The following LRRC8B variants were observed in gnomAD, a reference collection of about 807,000 sequenced individuals.
LRRC8B encodes the protein volume-regulated anion channel subunit LRRC8B.
In LRRC8B, 23 loss-of-function variants were observed where a neutral mutation model predicts 58.8. That is an observed-to-expected ratio of 0.39 (90% CI 0.28 to 0.55). The LOEUF is 0.55. LRRC8B is among the 20% of genes least tolerant of loss of function. LRRC8B has a pLI of 0.62. For missense variants in LRRC8B, 694 were observed against 936.0 expected, an observed-to-expected ratio of 0.74 and a Z score of 3.37; for synonymous variants, 359 against 374.1, an observed-to-expected ratio of 0.96 and a Z score of 0.47.
intron 1 of LRRC8B, among the ~76,000 whole-genome samples, chr1:89,554,152 T>C (rs192027255): frequency 2.4e-3 from 372 of 152,310 alleles, no homozygotes; most frequent in Non-Finnish European, 3.5e-3. Flanking sequence ...TTTCTACTCT[T>C]AGCCCCATCA....
rs1160514585 is a variant in LRRC8B at position 89,596,208 on chromosome 1, T to G, written c.*3165T>G. ...CTTAATCTGAGAACCTAAGTGTTTTTGAGCATTCCAGTAAAGGAGTAGTGT... is the reference window on the plus strand; with the variant it reads ...CTTAATCTGAGAACCTAAGTGTTTTGGAGCATTCCAGTAAAGGAGTAGTGT... On this transcript the variant is annotated 3_prime_UTR_variant, in exon 6 of 6. Coordinates refer to ENST00000330947, the MANE Select transcript of LRRC8B (RefSeq NM_001369817.2). 6.6e-6 allele frequency: 1 copy of G among 152,138 alleles called. No homozygotes were observed. The highest frequency in any genetic ancestry group is 2.1e-4 in the South Asian group (1 of 4,824). The allele number at this position is 152,138 out of a possible 1,614,324, so 9.4% of individuals were successfully genotyped here.
chr1:89,542,770 A>G (rs1651110062), intron 1 of LRRC8B, among the ~76,000 whole-genome samples: 1 of 152,226 alleles, frequency 6.6e-6, no homozygotes, highest in South Asian at 2.1e-4. Context: ...TACTTAACAT[A>G]AAGTTATCTC....
intron 1 of LRRC8B, among the ~76,000 whole-genome samples, chr1:89,537,460 T>TTTTTG (rs750338046): frequency 8.6e-5 from 13 of 151,982 alleles, no homozygotes; most frequent in Non-Finnish European, 1.2e-4. Flanking sequence ...ATTGGTGTGT[T>TTTTTG]TTTTGTTTTG....
At chr1:89,561,790 G>A (rs1338908141) in intron 1 of LRRC8B, among the ~76,000 whole-genome samples, 1 of 148,422 alleles carries the variant, frequency 6.7e-6, no homozygotes, top group African/African-American at 2.5e-5. Flanking sequence ...GGTTACTGTA[G>A]CCTTGTAGTA....
At chr1:89,563,738 CATTTG>C (rs1361507988) in intron 1 of LRRC8B, among the ~76,000 whole-genome samples, 2 of 152,142 alleles carry the variant, frequency 1.3e-5, no homozygotes, top group African/African-American at 4.8e-5. Context: ...CTGTGCTAAG[CATTTG>C]AATTGTAGTT....
rs78445800 is a variant in LRRC8B, at chr1:89,525,082, G to C, written c.-241+60G>C. 774 of 152,712 alleles carry C rather than the reference G, an allele frequency of 5.1e-3. 1 individual carries two copies. Among genetic ancestry groups the C allele is most frequent in the Non-Finnish European group, 8.1e-3 (556 of 68,328 alleles). The allele number at this position is 152,712 out of a possible 1,614,324, so 9.5% of individuals were successfully genotyped here. ...GCGAGCCGCGCCGACCGAGGTGGTG[G>C]AGGAGGAGGACCGGATACGGGGACG... On this transcript the variant is annotated intron_variant, in intron 1 of 5. Transcript: ENST00000330947.
chr1:89,582,705 A>G lies in LRRC8B; in HGVS notation c.55A>G (p.Ile19Val). ...AGCAGATGCCCAGTCATCTTATCAC[A>G]TCTTAAAACCATGGTGGGACGTCTT... ...CLADAQSSYH[I>V]LKPWWDVFWY... The change falls in exon 5 of 6, where the codon ATC (isoleucine) becomes GTC (valine). Residue 19 changes from isoleucine (I) to valine (V), a missense_variant. Physicochemically the swap from Ile to Val is conservative, Grantham distance 29. Coordinates refer to ENST00000330947, the MANE Select transcript of LRRC8B (RefSeq NM_001369817.2). 1 of 1,614,184 alleles carries G rather than the reference A, an allele frequency of 6.2e-7. No individual in the cohort carries two copies. The highest frequency in any genetic ancestry group is 8.5e-7 in the Non-Finnish European group (1 of 1,180,030).
intron 1 of LRRC8B, among the ~76,000 whole-genome samples, chr1:89,550,371 A>C (rs900337249): frequency 1.3e-5 from 2 of 152,132 alleles, no homozygotes; most frequent in African/African-American, 2.4e-5. Flanking sequence ...TTTAAATTTA[A>C]GATTTGACGC....
chr1:89,533,215 T>C (rs1320254682), intron 1 of LRRC8B, among the ~76,000 whole-genome samples: 1 of 152,106 alleles, frequency 6.6e-6, no homozygotes, highest in Non-Finnish European at 1.5e-5. Flanking sequence ...ATTGCCTGGG[T>C]TTAATAACCC....
chr1:89,567,550 T>A lies in LRRC8B; in HGVS notation c.-240-697T>A, dbSNP rs554623342. Among the ~76,000 whole-genome samples, 4 of 152,286 alleles carry A rather than the reference T, an allele frequency of 2.6e-5. No homozygotes were observed. The East Asian group carries it at 7.7e-4, about 29-fold the overall frequency. ...AATGCCAAATAAAGCAACAATAAGA[T>A]CATTTTTCACATATGGATTAGCAAT... On this transcript the variant is annotated intron_variant, in intron 1 of 5. Coordinates refer to ENST00000330947, the MANE Select transcript of LRRC8B (RefSeq NM_001369817.2).
chr1:89,576,461 TTTAA>T (rs1401600489), intron 3 of LRRC8B, among the ~76,000 whole-genome samples: 1 of 152,210 alleles, frequency 6.6e-6, no homozygotes, highest in East Asian at 1.9e-4. Context: ...TTACGTTTCT[TTTAA>T]AAGTGCCCCA....
At chr1:89,525,365 C>T (rs910070913) in intron 1 of LRRC8B, among the ~76,000 whole-genome samples, 1 of 152,136 alleles carries the variant, frequency 6.6e-6, no homozygotes, top group African/African-American at 2.4e-5. Flanking sequence ...GAGCGTGAGT[C>T]CTCGGGGCGG....
At chr1:89,571,779 CT>C (rs558736498) in intron 3 of LRRC8B, among the ~76,000 whole-genome samples, 5 of 148,392 alleles carry the variant, frequency 3.4e-5, no homozygotes, top group South Asian at 2.1e-4. Context: ...TTCTTTCTTT[CT>C]TTTTTTTTTC....
At chr1:89,530,776 C>T (rs1027325811) in intron 1 of LRRC8B, among the ~76,000 whole-genome samples, 4 of 152,136 alleles carry the variant, frequency 2.6e-5, no homozygotes, top group South Asian at 2.1e-4. Flanking sequence ...CCCCAACGGC[C>T]GGTCCCTCCG....
chr1:89,597,208 G>T lies in LRRC8B; in HGVS notation c.*4165G>T, dbSNP rs1031114235. ...ATCTACTACATACCTTTGGTAACAG[G>T]CTACATTCTCTTCAGATTTTTTATA... On this transcript the variant is annotated 3_prime_UTR_variant, in exon 6 of 6. Transcript: ENST00000330947. The T allele has an allele frequency of 6.6e-6, 1 of 152,092 alleles. No homozygotes were observed. Among genetic ancestry groups the T allele is most frequent in the Non-Finnish European group, 1.5e-5 (1 of 68,004 alleles). 9.4% of individuals were successfully genotyped at this position (152,092 alleles called of 1,614,324 possible).
intron 1 of LRRC8B, among the ~76,000 whole-genome samples, chr1:89,549,142 A>G (rs1651627103): frequency 6.6e-6 from 1 of 152,210 alleles, no homozygotes; most frequent in Admixed American, 6.5e-5. Context: ...TGTGCAGAGA[A>G]AAGTGATAAA....
intron 5 of LRRC8B, among the ~76,000 whole-genome samples, chr1:89,586,588 C>T (rs1206371274): frequency 6.6e-6 from 1 of 152,126 alleles, no homozygotes; most frequent in Non-Finnish European, 1.5e-5. Flanking sequence ...ACTTTTGACA[C>T]CAAGTTTATG....
chr1:89,551,322 A>G (rs1209088593), intron 1 of LRRC8B, among the ~76,000 whole-genome samples: 1 of 152,150 alleles, frequency 6.6e-6, no homozygotes, highest in Non-Finnish European at 1.5e-5. Flanking sequence ...CTCACCAGCC[A>G]TGTGTCATCA....
chr1:89,546,979 A>G (rs1651452544), intron 1 of LRRC8B, among the ~76,000 whole-genome samples: 2 of 152,228 alleles, frequency 1.3e-5, no homozygotes, highest in African/African-American at 2.4e-5. Flanking sequence ...CATAGTCATT[A>G]AAAACTAAAT....
Sources: gnomAD v4.1 joint callset for allele counts (sites outside exome capture counted in the v4.1 genomes callset) on GRCh38, gnomAD v4.1.1 for gene constraint, MANE v1.5 for transcripts, NCBI Gene and HGNC (gene_info 2026-07-23, HGNC 2026-07-21) for gene names.